PLXNA4: variants seen among roughly 807,000 people sequenced by gnomAD.
PLXNA4 encodes the protein plexin A4.
In PLXNA4, 44 loss-of-function variants were observed where a neutral mutation model predicts 191.8. The ratio of observed to expected loss-of-function variants is 0.23; its 90% CI spans 0.18 to 0.29. The LOEUF is 0.29. Among genes scored for constraint, PLXNA4 ranks in the 10% least tolerant of loss-of-function variants. PLXNA4 has a pLI of 1.00. For synonymous variants in PLXNA4, 1,082 were observed against 1,009.5 expected (o/e 1.07, Z -1.36); for missense variants, 1,800 against 2,488.8 (o/e 0.72, Z 5.89).
chr7:132,233,046 G>A (rs867670304), intron 5 of PLXNA4, among the ~76,000 whole-genome samples: 14 of 152,280 alleles, frequency 9.2e-5, no homozygotes, highest in Middle Eastern at 3.4e-3. Context: ...CATTTGCCAT[G>A]ACCTATGCTT....
In PLXNA4 at chr7:132,516,324, G is replaced by T. The variant is rs555113651; in HGVS notation, c.-86-7545C>A. Among the ~76,000 whole-genome samples, 3 of 151,996 alleles carry T rather than the reference G, an allele frequency of 2.0e-5. No homozygotes were observed. The South Asian group carries it at 6.2e-4, about 32-fold the overall frequency. ...AGGACATGAGTTCAAATGCATCAGA[G>T]AAACTACGTCTTTCGTATATGATTT... On this transcript the variant is annotated intron_variant, in intron 1 of 31. Transcript: ENST00000321063.
At chr7:132,169,334 A>G (rs909750683) in intron 21 of PLXNA4, among the ~76,000 whole-genome samples, 1 of 152,212 alleles carries the variant, frequency 6.6e-6, no homozygotes, top group Non-Finnish European at 1.5e-5. Flanking sequence ...CCATTCACTC[A>G]GCAAACACGA....
In PLXNA4 at chr7:132,202,658, G is replaced by A. The variant is rs769868277; in HGVS notation, c.2574C>T (p.Pro858=). ...LSGAKSKCTN[P]RITEIIPVTG... is the part of the protein sequence containing the mutation. Reference sequence around the variant, plus strand: ...GACCCCGGCTTACCTCTGTGATGCGGGGGTTTGTGCACTTGCTTTTGGCAC... The same window carrying A: ...GACCCCGGCTTACCTCTGTGATGCGAGGGTTTGTGCACTTGCTTTTGGCAC... The change falls in exon 12 of 32, where the codon CCC becomes CCT. Residue 858 remains proline, a synonymous_variant. Transcript: ENST00000321063. The A allele has an allele frequency of 2.0e-6, 3 of 1,524,064 alleles. No homozygotes were observed. The highest frequency in any genetic ancestry group is 4.8e-5 in the East Asian group (2 of 41,802). The allele number at this position is 1,524,064 out of a possible 1,614,324, so 94.4% of individuals were successfully genotyped here.
At chr7:132,496,016 C>T (rs1398680947) in intron 2 of PLXNA4, among the ~76,000 whole-genome samples, 1 of 152,240 alleles carries the variant, frequency 6.6e-6, no homozygotes. Flanking sequence ...AGAACTGCCT[C>T]TTTCCCAGTG....
At chr7:132,369,863 T>C (rs1173499641) in intron 3 of PLXNA4, among the ~76,000 whole-genome samples, 10 of 151,370 alleles carry the variant, frequency 6.6e-5, no homozygotes, top group Non-Finnish European at 1.5e-4. Flanking sequence ...GGTCAGGAGA[T>C]TGAGACCATC....
chr7:132,286,014 C>T (rs1800670492), intron 4 of PLXNA4, among the ~76,000 whole-genome samples: 2 of 152,244 alleles, frequency 1.3e-5, no homozygotes, highest in South Asian at 4.2e-4. Flanking sequence ...TTGTAATGAC[C>T]TCACTCAAAA....
chr7:132,163,673 C>T (rs144590750), intron 24 of PLXNA4, among the ~76,000 whole-genome samples: 44 of 152,306 alleles, frequency 2.9e-4, no homozygotes, highest in East Asian at 5.8e-4. Context: ...CTTGGCCTTG[C>T]GTTATACAGC....
intron 5 of PLXNA4, among the ~76,000 whole-genome samples, chr7:132,238,550 C>T (rs889345361): frequency 2.6e-5 from 4 of 152,242 alleles, no homozygotes; most frequent in African/African-American, 9.6e-5. Flanking sequence ...GCAGCAGCAG[C>T]AGACAATGAT....
intron 4 of PLXNA4, among the ~76,000 whole-genome samples, chr7:132,288,296 C>T (rs1256906850): frequency 6.6e-6 from 1 of 152,198 alleles, no homozygotes; most frequent in South Asian, 2.1e-4. Flanking sequence ...CACCTACTGA[C>T]TGTAGGAAAC....
chr7:132,224,581 T>C (rs1169730456), intron 8 of PLXNA4, among the ~76,000 whole-genome samples: 1 of 152,180 alleles, frequency 6.6e-6, no homozygotes, highest in Non-Finnish European at 1.5e-5. Context: ...ACACATTCCC[T>C]TGCACATGGG....
chr7:132,547,124 G>A (rs1800344182), intron 1 of PLXNA4, among the ~76,000 whole-genome samples: 3 of 152,164 alleles, frequency 2.0e-5, no homozygotes, highest in Admixed American at 6.5e-5. Context: ...AATTTAAAGT[G>A]AAAAATCCTT....
rs1210349608 is a variant in PLXNA4, at chr7:132,124,611, G to A, written c.*5868C>T. The A allele has an allele frequency of 6.6e-6, 1 of 152,260 alleles. No homozygotes were observed. Among genetic ancestry groups the A allele is most frequent in the East Asian group, 1.9e-4 (1 of 5,200 alleles). 9.4% of individuals were successfully genotyped at this position (152,260 alleles called of 1,614,324 possible). A position where few individuals can be genotyped will look rare whatever the true frequency, so the allele number is the denominator to read the frequency against. On this transcript the variant is annotated 3_prime_UTR_variant, in exon 32 of 32. Transcript: ENST00000321063. The stretch of plus-strand genomic sequence containing the variant: ...AAGTCTACTTGCTTTTGCAATCCTG[G>A]CGGAGGGAAAGCTTGGGTCTTCCCA...
In PLXNA4 at chr7:132,487,243, G is replaced by A. The variant is rs1797598979; in HGVS notation, c.1371+2049C>T. ...ACTCCATCCTGCCAGCTAGTAAATG[G>A]TCCTCTGGCAGCTGGTAGGAAATTC... On this transcript the variant is annotated intron_variant, in intron 3 of 31. Coordinates refer to ENST00000321063, the MANE Select transcript of PLXNA4 (RefSeq NM_020911.2). 2.0e-5 allele frequency among the ~76,000 whole-genome samples: 3 copies of A among 152,092 alleles called. No homozygotes were observed. In the South Asian group the frequency reaches 6.2e-4, roughly 32 times the overall value.
At chr7:132,548,024 G>A (rs576273239) in intron 1 of PLXNA4, among the ~76,000 whole-genome samples, 4 of 152,260 alleles carry the variant, frequency 2.6e-5, no homozygotes, top group African/African-American at 4.8e-5. Flanking sequence ...ACGTGAAACC[G>A]AAGAAAACAC....
upstream of PLXNA4, among the ~76,000 whole-genome samples, chr7:132,578,803 G>C (rs1034877434): frequency 6.6e-6 from 1 of 152,224 alleles, no homozygotes; most frequent in African/African-American, 2.4e-5. Context: ...GCATGGCCCA[G>C]AAAGCAGCAA....
chr7:132,264,851 C>T (rs1799789384), intron 4 of PLXNA4, among the ~76,000 whole-genome samples: 1 of 152,114 alleles, frequency 6.6e-6, no homozygotes. Flanking sequence ...GCGCCTGCCA[C>T]CTCACCCAGC....
In PLXNA4 at chr7:132,133,248, A is replaced by G. The variant is rs569928064; in HGVS notation, c.5439-49T>C. ...GAAGCTGAAGTCGTGCATACGGAGT[A>G]GAGGAGAGATGGATGCTCCCAGCAC... is the stretch of plus-strand genomic sequence containing the variant. On this transcript the variant is annotated intron_variant, in intron 30 of 31. Coordinates refer to ENST00000321063, the MANE Select transcript of PLXNA4 (RefSeq NM_020911.2). 1.9e-6 allele frequency: 3 copies of G among 1,597,584 alleles called. No individual in the cohort carries two copies. In the East Asian group the frequency reaches 6.7e-5, roughly 36 times the overall value.
rs146464294 is a variant in PLXNA4, at chr7:132,261,683, C to T, written c.1504-20517G>A. Among the ~76,000 whole-genome samples, 504 of 152,278 alleles carry T rather than the reference C, an allele frequency of 3.3e-3. 3 individuals carry two copies. The highest frequency in any genetic ancestry group is 0.031 in the Middle Eastern group (9 of 294). ...CAGATGGGCACAGCCCTTCAGGACCCGGGCAGCTGCCGGCCAGCCTCGAGC... is the reference window on the plus strand; with the variant it reads ...CAGATGGGCACAGCCCTTCAGGACCTGGGCAGCTGCCGGCCAGCCTCGAGC... On this transcript the variant is annotated intron_variant, in intron 4 of 31. Transcript: ENST00000321063.
At chr7:132,417,038 C>T (rs182297327) in intron 3 of PLXNA4, among the ~76,000 whole-genome samples, 60 of 152,164 alleles carry the variant, frequency 3.9e-4, no homozygotes, top group South Asian at 1.7e-3. Context: ...AGTCCTGCAA[C>T]GGAATGTTGC....
Sources: allele counts gnomAD v4.1 joint callset (sites outside exome capture counted in the v4.1 genomes callset), GRCh38; gene constraint gnomAD v4.1.1; transcripts MANE v1.5; gene names NCBI Gene and HGNC (gene_info 2026-07-23, HGNC 2026-07-21).